The following CFAP92 variants were observed in gnomAD, a reference collection of about 807,000 sequenced individuals.
The protein encoded by CFAP92 is uncharacterized protein CFAP92.
CFAP92 carries 86 observed loss-of-function variants against 106.3 expected under a neutral mutation model. That is an observed-to-expected ratio of 0.81 (90% CI 0.68 to 0.97). CFAP92 has a LOEUF of 0.97. Among genes scored for constraint, CFAP92 ranks in the 50% least tolerant of loss-of-function variants. The pLI is 0.00. For synonymous variants in CFAP92, 477 were observed against 506.4 expected (o/e 0.94, Z 0.78); for missense variants, 1,204 against 1,283.8 (o/e 0.94, Z 0.95).
chr3:128,955,845 C>T (rs370093049), intron 9 of CFAP92, among the ~76,000 whole-genome samples: 2 of 28,232 alleles, frequency 7.1e-5, no homozygotes, highest in Admixed American at 3.7e-4. Flanking sequence ...AATTCCTCTG[C>T]CTTGGGATCC....
intron 2 of CFAP92, among the ~76,000 whole-genome samples, chr3:128,990,748 T>C (rs1029417779): frequency 1.1e-4 from 17 of 151,860 alleles, no homozygotes; most frequent in Non-Finnish European, 2.2e-4. Flanking sequence ...ATACAAAAAT[T>C]AGCTGGGCGT....
chr3:128,911,185 T>C (rs1167335550), intron 15 of CFAP92, among the ~76,000 whole-genome samples: 1 of 151,988 alleles, frequency 6.6e-6, no homozygotes, highest in Non-Finnish European at 1.5e-5. Context: ...GCCTCCCGAG[T>C]AGCTGGGATT....
At chr3:128,998,771 A>C (rs1323812904), upstream of CFAP92, among the ~76,000 whole-genome samples, 1 of 152,188 alleles carries the variant, frequency 6.6e-6, no homozygotes, top group Non-Finnish European at 1.5e-5. Flanking sequence ...AGCTGTTTAC[A>C]AAGCTCAGTT....
chr3:128,993,411 A>G, intron 1 of CFAP92, 75 bp from the exon 2 acceptor site: 1 of 1,441,492 alleles, frequency 6.9e-7, no homozygotes, highest in South Asian at 1.3e-5. Flanking sequence ...GGCCTCCTGC[A>G]GAAGCACCCA....
intron 11 of CFAP92, among the ~76,000 whole-genome samples, chr3:128,934,623 CA>C (rs1938780938): frequency 1.3e-5 from 2 of 152,072 alleles, no homozygotes; most frequent in Admixed American, 1.3e-4. Context: ...CTCTGCCTTC[CA>C]GGTTCAAGAG....
upstream of CFAP92, among the ~76,000 whole-genome samples, chr3:128,999,077 C>T (rs1359618693): frequency 6.6e-6 from 1 of 152,186 alleles, no homozygotes; most frequent in Non-Finnish European, 1.5e-5. Flanking sequence ...AAACAATATA[C>T]TATTTGAAAT....
intron 10 of CFAP92, among the ~76,000 whole-genome samples, chr3:128,943,004 C>T (rs1453344356): frequency 6.7e-6 from 1 of 149,130 alleles, no homozygotes; most frequent in East Asian, 2.0e-4. Flanking sequence ...ACTGCAACCT[C>T]CACCTCCTGG....
chr3:128,972,278 G>A (rs1366594061), intron 7 of CFAP92, among the ~76,000 whole-genome samples: 1 of 151,188 alleles, frequency 6.6e-6, no homozygotes, highest in Non-Finnish European at 1.5e-5. Flanking sequence ...GTTTCACTCT[G>A]TTGCCCAGGC....
In CFAP92 at chr3:128,987,799, CT is replaced by C. The variant is rs1943951340; in HGVS notation, c.483del (p.Ala162ProfsTer13). 6.2e-7 allele frequency: 1 copy of C among 1,612,416 alleles called. No homozygotes were observed. The highest frequency in any genetic ancestry group is 8.5e-7 in the Non-Finnish European group (1 of 1,179,144). On this transcript the variant is annotated frameshift_variant, in exon 4 of 16. Transcript: ENST00000645291. LOFTEE classifies it high-confidence loss of function. ...KTVKPWHEGD[K>X]AWVSWEQTFN... ...AAAGTCTGCTCCCACGACACCCAGG[CT>C]TTGTCACCTTCGTGCCACGGCTTCA...
chr3:128,910,697 T>G (rs369160539), intron 15 of CFAP92: 4 of 1,609,940 alleles, frequency 2.5e-6, no homozygotes, highest in Non-Finnish European at 3.4e-6. Context: ...AGAGGTCTGA[T>G]TCCAGGAATT....
At chr3:128,942,922 T>C (rs1939797058) in intron 10 of CFAP92, among the ~76,000 whole-genome samples, 1 of 138,124 alleles carries the variant, frequency 7.2e-6, no homozygotes. Context: ...CAACCTTTTT[T>C]TTTTTTTTTT....
chr3:128,934,658 G>T (rs937553826), intron 11 of CFAP92, among the ~76,000 whole-genome samples: 4 of 152,016 alleles, frequency 2.6e-5, no homozygotes, highest in Admixed American at 6.6e-5. Context: ...AGTCTCCCAA[G>T]TAGATGGGAT....
intron 9 of CFAP92, among the ~76,000 whole-genome samples, chr3:128,959,422 G>GA (rs1486631367): frequency 6.6e-6 from 1 of 151,970 alleles, no homozygotes. Context: ...AAAAAAGGTA[G>GA]AAAAAAATAT....
chr3:128,931,835 C>T (rs187904210), intron 12 of CFAP92, among the ~76,000 whole-genome samples: 132 of 151,782 alleles, frequency 8.7e-4, no homozygotes, highest in African/African-American at 3.0e-3. Flanking sequence ...CCAGCCTAGG[C>T]AACACAGCAA....
chr3:129,008,832 A>C, the CFAP92 span, among the ~76,000 whole-genome samples: 3 of 152,128 alleles, frequency 2.0e-5, no homozygotes, highest in Admixed American at 6.5e-5. Context: ...TCCTCCTAAG[A>C]GGCTCCTGGT....
At chr3:129,001,991 G>A in intron 1 of CFAP92, 1 of 1,545,798 alleles carries the variant, frequency 6.5e-7, no homozygotes, top group Non-Finnish European at 8.7e-7. Context: ...CCACGGACGG[G>A]GACTCAGATA....
rs1300527384 is a variant in CFAP92, at chr3:128,945,638, C to A, written c.1691G>T (p.Gly564Val). 6.5e-7 allele frequency: 1 copy of A among 1,535,994 alleles called. No individual in the cohort carries two copies. Among genetic ancestry groups the A allele is most frequent in the Non-Finnish European group, 8.7e-7 (1 of 1,146,920 alleles). ...GTCAGCAAAACTGACCTGGGCGATG[C>A]CATAAGGGTACCACATCTTGTTCTG... is the stretch of plus-strand genomic sequence containing the variant. The part of the protein sequence containing the change: ...ESQNKMWYPY[G>V]IAQVSFADLL... The change falls in exon 10 of 16, where the codon GGC becomes GTC. Residue 564 changes from glycine (G) to valine (V), a missense_variant. Transcript: ENST00000645291.
At chr3:128,931,509 A>ATATG (rs1559863693) in intron 12 of CFAP92, among the ~76,000 whole-genome samples, 1 of 122,646 alleles carries the variant, frequency 8.2e-6, no homozygotes, top group African/African-American at 3.4e-5. Flanking sequence ...GTATATATGT[A>ATATG]TATATATGTA....
At chr3:129,023,088 A>G in the CFAP92 span, among the ~76,000 whole-genome samples, 1 of 152,250 alleles carries the variant, frequency 6.6e-6, no homozygotes, top group African/African-American at 2.4e-5. Flanking sequence ...GGGTGTTAAA[A>G]GGAAAACTTT....
Sources: allele counts gnomAD v4.1 joint callset (sites outside exome capture counted in the v4.1 genomes callset), GRCh38; gene constraint gnomAD v4.1.1; transcripts MANE v1.5; gene names NCBI Gene and HGNC (gene_info 2026-07-23, HGNC 2026-07-21).